PPP1CB: variants seen among roughly 807,000 people sequenced by gnomAD.
The protein encoded by PPP1CB is protein phosphatase 1 catalytic subunit beta.
A neutral mutation model predicts 43.7 loss-of-function variants in PPP1CB; 2 were observed. The observed-to-expected ratio is 0.05, with a 90% CI of 0.02 to 0.14. PPP1CB has a LOEUF of 0.14. Ranked by LOEUF, PPP1CB falls within the 10% of genes least tolerant of loss-of-function variation. The probability of loss-of-function intolerance (pLI) is 1.00; values close to 1 mark genes in which losing one functional copy is unlikely to be tolerated. For missense variants in PPP1CB, 84 were observed against 398.0 expected (o/e 0.21, Z 6.71); for synonymous variants, 136 against 135.6 (o/e 1.00, Z -0.02).
Position 28,790,157 on chromosome 2 carries a change from G to A in PPP1CB, c.744+1348G>A, listed in dbSNP as rs534853900. 3.9e-5 allele frequency among the ~76,000 whole-genome samples: 6 copies of A among 152,074 alleles called. No individual in the cohort carries two copies. The East Asian group carries it at 9.7e-4, about 25-fold the overall frequency. On this transcript the variant is annotated intron_variant, in intron 6 of 7. Coordinates refer to ENST00000395366, the MANE Select transcript of PPP1CB (RefSeq NM_002709.3). ...CAGCCAGATGTGGTGGTGTGCACCT[G>A]TAGTCCCAGCTTGCTTGGGAGGCTG...
intron 6 of PPP1CB, among the ~76,000 whole-genome samples, chr2:28,791,894 A>G (rs1253633082): frequency 6.6e-6 from 1 of 152,192 alleles, no homozygotes; most frequent in East Asian, 1.9e-4. Flanking sequence ...TTTTCAAATA[A>G]TTGTCTCTAA....
chr2:28,785,001 T>A (rs572814402), intron 5 of PPP1CB, among the ~76,000 whole-genome samples: 1 of 147,874 alleles, frequency 6.8e-6, no homozygotes, highest in Admixed American at 6.8e-5. Context: ...TTATAAATGG[T>A]ATAGATCCTC....
At chr2:28,779,711 A>G (rs1334131200) in intron 3 of PPP1CB, among the ~76,000 whole-genome samples, 1 of 152,134 alleles carries the variant, frequency 6.6e-6, no homozygotes, top group African/African-American at 2.4e-5. Context: ...TGAATTTTTT[A>G]TTGCTGTCTT....
chr2:28,800,234 T>TC lies in PPP1CB; in HGVS notation c.*931_*932insC, dbSNP rs1267085566. On this transcript the variant is annotated 3_prime_UTR_variant, in exon 8 of 8. Coordinates refer to ENST00000395366, the MANE Select transcript of PPP1CB (RefSeq NM_002709.3). ...CTTTTTCTTTTTTCTTTCTTTTTTT[T>TC]TTTTTTTTTTTTTTTGAGTTGTTGT... The TC allele has an allele frequency of 1.4e-5, 2 of 143,590 alleles. No individual in the cohort carries two copies. Among genetic ancestry groups the TC allele is most frequent in the East Asian group, 4.0e-4 (2 of 5,008 alleles). The allele number at this position is 143,590 out of a possible 1,614,324, so 8.9% of individuals were successfully genotyped here.
chr2:28,754,768 G>C (rs181170827), intron 1 of PPP1CB, among the ~76,000 whole-genome samples: 89 of 152,266 alleles, frequency 5.8e-4, no homozygotes, highest in African/African-American at 2.1e-3. Flanking sequence ...GTGATATTTT[G>C]TAAAGCTGCC....
chr2:28,784,049 G>A (rs1025203365), intron 5 of PPP1CB, 71 bp downstream of exon 5: 1 of 1,191,896 alleles, frequency 8.4e-7, no homozygotes, highest in African/African-American at 1.5e-5. Flanking sequence ...ACATTTAGTG[G>A]AAGTAGGATT....
intron 5 of PPP1CB, among the ~76,000 whole-genome samples, chr2:28,787,284 C>G (rs1328866736): frequency 6.6e-6 from 1 of 152,126 alleles, no homozygotes; most frequent in Admixed American, 6.6e-5. Context: ...ACAGTGAAAC[C>G]CCATCTCTAC....
chr2:28,761,518 A>G (rs1475606322), intron 1 of PPP1CB, among the ~76,000 whole-genome samples: 1 of 152,200 alleles, frequency 6.6e-6, no homozygotes, highest in East Asian at 1.9e-4. Flanking sequence ...GTTAGCCGTC[A>G]TTATTGCTTA....
In PPP1CB at chr2:28,793,487, G is replaced by A. The variant is rs1396159414; in HGVS notation, c.745-376G>A. ...TAATTGATGTCCCTCTGAAAAACAC[G>A]TAGATTAATTAAAATAAAATTAAAT... On this transcript the variant is annotated intron_variant, in intron 6 of 7. Transcript: ENST00000395366. Among the ~76,000 whole-genome samples, 13 of 152,194 alleles carry A rather than the reference G, an allele frequency of 8.5e-5. No individual in the cohort carries two copies. The East Asian group carries it at 2.1e-3, about 25-fold the overall frequency.
chr2:28,777,887 C>G (rs1667074833), intron 2 of PPP1CB, among the ~76,000 whole-genome samples: 1 of 152,174 alleles, frequency 6.6e-6, no homozygotes, highest in Non-Finnish European at 1.5e-5. Context: ...TTCCTGACCT[C>G]AGGTGATCCA....
intron 1 of PPP1CB, among the ~76,000 whole-genome samples, chr2:28,776,246 GT>G (rs1306821340): frequency 6.7e-5 from 10 of 148,934 alleles, no homozygotes; most frequent in African/African-American, 2.5e-4. Context: ...TTTTGTTGTT[GT>G]TTTTTTTCTG....
chr2:28,760,285 ATTT>A (rs911740152), intron 1 of PPP1CB, among the ~76,000 whole-genome samples: 1 of 152,226 alleles, frequency 6.6e-6, no homozygotes, highest in Non-Finnish European at 1.5e-5. Flanking sequence ...ATGTTTAAAA[ATTT>A]TTTTAAGTTT....
chr2:28,786,778 A>AAAAAC (rs2148055455), intron 5 of PPP1CB, among the ~76,000 whole-genome samples: 1 of 148,954 alleles, frequency 6.7e-6, no homozygotes, highest in East Asian at 1.9e-4. Flanking sequence ...CCGTCTCAAA[A>AAAAAC]AAAAAAAAAA....
At position 28,780,366 on chromosome 2, in the gene PPP1CB, C is replaced by G. The variant is rs377070821; in HGVS notation, c.415+1327C>G. On this transcript the variant is annotated intron_variant, in intron 3 of 7. Coordinates refer to ENST00000395366, the MANE Select transcript of PPP1CB (RefSeq NM_002709.3). Reference sequence around the variant, plus strand: ...TCGGCCTCCCAGAGTGCTGGGATTACAGGTGTGAGCCACGGCGCCCAGCCA... The same window carrying G: ...TCGGCCTCCCAGAGTGCTGGGATTAGAGGTGTGAGCCACGGCGCCCAGCCA... Among the ~76,000 whole-genome samples, 15 of 152,286 alleles carry G rather than the reference C, an allele frequency of 9.8e-5. No homozygotes were observed. In the South Asian group the frequency reaches 1.7e-3, roughly 17 times the overall value.
rs1470121753 is a variant in PPP1CB, at chr2:28,802,688, A to G, written c.*3385A>G. On this transcript the variant is annotated 3_prime_UTR_variant, in exon 8 of 8. Coordinates refer to ENST00000395366, the MANE Select transcript of PPP1CB (RefSeq NM_002709.3). ...GAAACTTAGATACAATTGTGATTGG[A>G]TACTTAGATACTAAGTGAAACTTAG... 1 of 152,230 alleles carries G rather than the reference A, an allele frequency of 6.6e-6. No homozygotes were observed. The highest frequency in any genetic ancestry group is 1.5e-5 in the Non-Finnish European group (1 of 68,048). The allele number at this position is 152,230 out of a possible 1,614,324, so 9.4% of individuals were successfully genotyped here.
Position 28,782,428 on chromosome 2 carries a change from G to C in PPP1CB, c.520+586G>C, listed in dbSNP as rs186073403. ...CATCTTGAAGAGTTAAAAACCTGTT[G>C]CTAAGATACATTTATGAAACAGATA... On this transcript the variant is annotated intron_variant, in intron 4 of 7. Coordinates refer to ENST00000395366, the MANE Select transcript of PPP1CB (RefSeq NM_002709.3). 2.6e-5 allele frequency: 4 copies of C among 152,634 alleles called. No individual in the cohort carries two copies. The East Asian group carries it at 7.7e-4, about 29-fold the overall frequency. The allele number at this position is 152,634 out of a possible 1,614,324, so 9.5% of individuals were successfully genotyped here. A position where few individuals can be genotyped will look rare whatever the true frequency, so the allele number is the denominator to read the frequency against.
intron 1 of PPP1CB, among the ~76,000 whole-genome samples, chr2:28,769,648 A>C (rs1481956320): frequency 6.6e-6 from 1 of 152,226 alleles, no homozygotes; most frequent in Non-Finnish European, 1.5e-5. Context: ...GAGTAAATAC[A>C]AATTCTGACT....
chr2:28,794,835 T>C (rs1667465290), intron 7 of PPP1CB, among the ~76,000 whole-genome samples: 1 of 152,184 alleles, frequency 6.6e-6, no homozygotes, highest in African/African-American at 2.4e-5. Context: ...TTGCTCACTT[T>C]TATTATAATA....
chr2:28,786,389 C>T (rs768072560), intron 5 of PPP1CB, among the ~76,000 whole-genome samples: 3 of 152,154 alleles, frequency 2.0e-5, no homozygotes, highest in African/African-American at 4.8e-5. Context: ...GCTGGGATTA[C>T]AGGCGTGAGC....
Sources: allele counts gnomAD v4.1 joint callset (sites outside exome capture counted in the v4.1 genomes callset), GRCh38; gene constraint gnomAD v4.1.1; transcripts MANE v1.5; gene names NCBI Gene and HGNC (gene_info 2026-07-23, HGNC 2026-07-21).